CRKL: variants seen among roughly 807,000 people sequenced by gnomAD.
The protein encoded by CRKL is crk-like protein.
A neutral mutation model predicts 23.0 loss-of-function variants in CRKL; 3 were observed. The observed-to-expected ratio is 0.13, with a 90% confidence interval of 0.06 to 0.34. CRKL has a LOEUF of 0.34. Among genes scored for constraint, CRKL ranks in the 10% least tolerant of loss-of-function variants. The probability of loss-of-function intolerance (pLI) is 1.00; values close to 1 mark genes in which losing one functional copy is unlikely to be tolerated. For synonymous variants in CRKL, 188 were observed against 160.7 expected (o/e 1.17, Z -1.28); for missense variants, 256 against 394.5 (o/e 0.65, Z 2.97).
intron 1 of CRKL, among the ~76,000 whole-genome samples, chr22:20,931,627 A>G (rs184157184): frequency 1.1e-4 from 17 of 152,200 alleles, no homozygotes; most frequent in Non-Finnish European, 2.2e-4. Flanking sequence ...GTGCAAGTCT[A>G]ACCTCTTCTT....
rs1269426689 is a variant in CRKL at position 20,926,382 on chromosome 22, C to G, written c.312-7397C>G. On this transcript the variant is annotated intron_variant, in intron 1 of 2. Transcript: ENST00000354336. ...AATTCTCTGTTACTGGAGAGGGACC[C>G]TGAGAAGCTGAGCCAAGATCAAATG... Among the ~76,000 whole-genome samples the G allele has an allele frequency of 2.6e-5, 4 of 152,116 alleles. No homozygotes were observed. In the East Asian group the frequency reaches 7.7e-4, roughly 29 times the overall value.
chr22:20,929,376 A>T (rs922741256), intron 1 of CRKL, among the ~76,000 whole-genome samples: 2 of 151,960 alleles, frequency 1.3e-5, no homozygotes, highest in Non-Finnish European at 2.9e-5. Flanking sequence ...TGTGTTAGCC[A>T]GGATGGTCTC....
chr22:20,932,923 T>C (rs576017637), intron 1 of CRKL, among the ~76,000 whole-genome samples: 1 of 151,006 alleles, frequency 6.6e-6, no homozygotes, highest in South Asian at 2.1e-4. Context: ...CTACTAAAAA[T>C]ACAAAATTTA....
At chr22:20,947,557 C>T (rs1922108986) in intron 2 of CRKL, among the ~76,000 whole-genome samples, 1 of 151,632 alleles carries the variant, frequency 6.6e-6, no homozygotes, top group Non-Finnish European at 1.5e-5. Context: ...CCATGCTGGT[C>T]TCGAACTCCT....
intron 2 of CRKL, among the ~76,000 whole-genome samples, chr22:20,939,043 T>G (rs1921763206): frequency 6.6e-6 from 1 of 152,176 alleles, no homozygotes; most frequent in Non-Finnish European, 1.5e-5. Flanking sequence ...TCAATCATTT[T>G]CCCTGTGCTT....
Position 20,951,975 on chromosome 22 carries a change from G to A in CRKL, c.*2130G>A. 4.5e-6 allele frequency: 1 copy of A among 222,840 alleles called. No individual in the cohort carries two copies. Among genetic ancestry groups the A allele is most frequent in the East Asian group, 6.5e-5 (1 of 15,268 alleles). The allele number at this position is 222,840 out of a possible 1,614,324, so 13.8% of individuals were successfully genotyped here. ...AGGTGTGTCAGGTTGGCTTATTTTG[G>A]GTTCAGGCCTGGCGTAGCACCCACA... On this transcript the variant is annotated 3_prime_UTR_variant, in exon 3 of 3. Coordinates refer to ENST00000354336, the MANE Select transcript of CRKL (RefSeq NM_005207.4).
In CRKL at chr22:20,917,849, C is replaced by G; in HGVS notation, c.-86C>G. The G allele has an allele frequency of 2.2e-6, 3 of 1,375,384 alleles. No individual in the cohort carries two copies. The highest frequency in any genetic ancestry group is 3.0e-6 in the Non-Finnish European group (3 of 1,014,544). The allele number at this position is 1,375,384 out of a possible 1,614,324, so 85.2% of individuals were successfully genotyped here. On this transcript the variant is annotated 5_prime_UTR_variant, in exon 1 of 3. Transcript: ENST00000354336. ...GGTGTGCGAGAGGCCCTTCCTCGGC[C>G]CCAAAGCCGTCTGCCGGGCTAAGGC...
intron 2 of CRKL, among the ~76,000 whole-genome samples, chr22:20,943,333 A>G (rs1921943518): frequency 3.3e-5 from 5 of 151,904 alleles, no homozygotes. Flanking sequence ...TCTGCCTTCC[A>G]GATTCAAGCA....
intron 1 of CRKL, among the ~76,000 whole-genome samples, chr22:20,929,386 C>G (rs1921355390): frequency 6.6e-6 from 1 of 151,996 alleles, no homozygotes; most frequent in African/African-American, 2.4e-5. Flanking sequence ...AGGATGGTCT[C>G]GATCTCCTGA....
chr22:20,919,553 T>C (rs990166789), intron 1 of CRKL, among the ~76,000 whole-genome samples: 1 of 152,220 alleles, frequency 6.6e-6, no homozygotes, highest in Non-Finnish European at 1.5e-5. Context: ...TAGCAGAGAT[T>C]TGCTTTTATT....
rs1922327065 is a variant in CRKL at position 20,952,793 on chromosome 22, G to A, written c.*2948G>A. On this transcript the variant is annotated 3_prime_UTR_variant, in exon 3 of 3. Transcript: ENST00000354336. ...GACTGGTTAAAAACTTGTGTATCCCGGGAAGGACCTGCGGTACAGGAGTCA... is the reference window on the plus strand; with the variant it reads ...GACTGGTTAAAAACTTGTGTATCCCAGGAAGGACCTGCGGTACAGGAGTCA... 4.3e-6 allele frequency: 1 copy of A among 231,916 alleles called. No individual in the cohort carries two copies. The highest frequency in any genetic ancestry group is 8.5e-6 in the Non-Finnish European group (1 of 117,242). The allele number at this position is 231,916 out of a possible 1,614,324, so 14.4% of individuals were successfully genotyped here.
At chr22:20,933,420 A>G (rs1921534157) in intron 1 of CRKL, among the ~76,000 whole-genome samples, 1 of 151,634 alleles carries the variant, frequency 6.6e-6, no homozygotes, top group Non-Finnish European at 1.5e-5. Context: ...TAATCCCAGC[A>G]CGTTGGGAGG....
intron 2 of CRKL, among the ~76,000 whole-genome samples, chr22:20,936,072 A>G (rs8140283): frequency 0.76 from 115,319 of 151,970 alleles, 44,290 homozygotes; most frequent in South Asian, 0.91. Flanking sequence ...AGGTGGAACA[A>G]TTGCTTGAAC....
chr22:20,950,614 T>C lies in CRKL; in HGVS notation c.*769T>C, dbSNP rs1258780104. The C allele has an allele frequency of 9.3e-6, 2 of 215,482 alleles. No homozygotes were observed. Among genetic ancestry groups the C allele is most frequent in the Non-Finnish European group, 1.9e-5 (2 of 107,098 alleles). 13.3% of individuals were successfully genotyped at this position (215,482 alleles called of 1,614,324 possible). A position where few individuals can be genotyped will look rare whatever the true frequency, so the allele number is the denominator to read the frequency against. ...TTTTAGTAGAGACGGGGTTTCATCATGTTGACCAGGCTGGTCTCAAACTCC... is the reference window on the plus strand; with the variant it reads ...TTTTAGTAGAGACGGGGTTTCATCACGTTGACCAGGCTGGTCTCAAACTCC... On this transcript the variant is annotated 3_prime_UTR_variant, in exon 3 of 3. Coordinates refer to ENST00000354336, the MANE Select transcript of CRKL (RefSeq NM_005207.4).
Position 20,950,031 on chromosome 22 carries a change from C to G in CRKL, c.*186C>G. The stretch of plus-strand genomic sequence containing the variant: ...TGCCTCCTGATGTTTGTATCATAGT[C>G]GTATTGTCAAAGAGTAGCCGATTTT... On this transcript the variant is annotated 3_prime_UTR_variant, in exon 3 of 3. Coordinates refer to ENST00000354336, the MANE Select transcript of CRKL (RefSeq NM_005207.4). The G allele has an allele frequency of 1.4e-6, 1 of 707,972 alleles. No homozygotes were observed. The highest frequency in any genetic ancestry group is 2.2e-6 in the Non-Finnish European group (1 of 453,488). 43.9% of individuals were successfully genotyped at this position (707,972 alleles called of 1,614,324 possible). A position where few individuals can be genotyped will look rare whatever the true frequency, so the allele number is the denominator to read the frequency against.
chr22:20,928,021 G>T (rs1232157933), intron 1 of CRKL, among the ~76,000 whole-genome samples: 1 of 150,406 alleles, frequency 6.6e-6, no homozygotes, highest in African/African-American at 2.5e-5. Flanking sequence ...TAGCCCGGCA[G>T]TAGTGGGGCC....
chr22:20,942,960 A>G (rs1921931050), intron 2 of CRKL, among the ~76,000 whole-genome samples: 1 of 152,104 alleles, frequency 6.6e-6, no homozygotes, highest in South Asian at 2.1e-4. Flanking sequence ...CAGCTGTACC[A>G]TATTCCATTC....
intron 2 of CRKL, among the ~76,000 whole-genome samples, chr22:20,944,921 T>G (rs1296458582): frequency 1.3e-5 from 1 of 77,370 alleles, no homozygotes; most frequent in East Asian, 6.2e-4. Context: ...TTTACCATGT[T>G]GCCCAGCATG....
At chr22:20,922,701 G>A (rs9613291) in intron 1 of CRKL, among the ~76,000 whole-genome samples, 97,911 of 152,012 alleles carry the variant, frequency 0.64, 32,186 homozygotes, top group South Asian at 0.8. Context: ...TTGAGACCAA[G>A]TCTCCCTCTG....
Sources: allele counts gnomAD v4.1 joint callset (sites outside exome capture counted in the v4.1 genomes callset), GRCh38; gene constraint gnomAD v4.1.1; transcripts MANE v1.5; gene names NCBI Gene and HGNC (gene_info 2026-07-23, HGNC 2026-07-21).